C10orf143: variants seen among roughly 807,000 people sequenced by gnomAD.
C10orf143 encodes chromosome 10 open reading frame 143.
intron 3 of C10orf143, among the ~76,000 whole-genome samples, chr10:130,039,542 C>A (rs1206928680): frequency 6.6e-6 from 1 of 152,192 alleles, no homozygotes; most frequent in Non-Finnish European, 1.5e-5. Context: ...CCACACTGAT[C>A]TCATGAGTGT....
rs561562933 is a variant in C10orf143 at position 130,075,331 on chromosome 10, G to A, written c.297+4235C>T. On this transcript the variant is annotated intron_variant, in intron 3 of 3. Transcript: ENST00000637128. ...TTTTAACTTTCATGTCCAGGCTCTC[G>A]GGACTCATGTGGCTTATCACCAGGA... is the stretch of plus-strand genomic sequence containing the variant. 7.9e-5 allele frequency among the ~76,000 whole-genome samples: 12 copies of A among 152,176 alleles called. No homozygotes were observed. The East Asian group carries it at 1.4e-3, about 17-fold the overall frequency.
chr10:130,038,822 T>C (rs1860573777), intron 3 of C10orf143, among the ~76,000 whole-genome samples: 1 of 152,026 alleles, frequency 6.6e-6, no homozygotes, highest in African/African-American at 2.4e-5. Context: ...GCACCGACTG[T>C]GTATGCTTTT....
intron 1 of C10orf143, among the ~76,000 whole-genome samples, chr10:130,083,590 G>T (rs1335907574): frequency 6.6e-6 from 1 of 152,266 alleles, no homozygotes; most frequent in East Asian, 1.9e-4. Context: ...TCCATGAACT[G>T]GTCTAGAGTG....
intron 3 of C10orf143, among the ~76,000 whole-genome samples, chr10:130,075,407 C>A (rs1165265944): frequency 6.6e-6 from 1 of 152,172 alleles, no homozygotes; most frequent in Non-Finnish European, 1.5e-5. Flanking sequence ...ACTGACTGAG[C>A]CCTTGCAGGG....
At chr10:130,082,226 G>A (rs533529407) in intron 1 of C10orf143, among the ~76,000 whole-genome samples, 4 of 151,548 alleles carry the variant, frequency 2.6e-5, no homozygotes, top group African/African-American at 4.9e-5. Flanking sequence ...TGACCAGGCT[G>A]GTCTCACACT....
At chr10:130,071,972 A>G (rs1354422829) in intron 3 of C10orf143, among the ~76,000 whole-genome samples, 1 of 152,130 alleles carries the variant, frequency 6.6e-6, no homozygotes, top group Non-Finnish European at 1.5e-5. Flanking sequence ...TTTCTTTCAT[A>G]TATAGGTTCT....
chr10:130,087,126 C>T (rs1861302856), intron 1 of C10orf143, among the ~76,000 whole-genome samples: 1 of 152,208 alleles, frequency 6.6e-6, no homozygotes, highest in South Asian at 2.1e-4. Context: ...TTTTCTGTTA[C>T]TTACTGTGGA....
chr10:130,107,667 G>A, intron 1 of C10orf143: 2 of 1,309,140 alleles, frequency 1.5e-6, no homozygotes, highest in South Asian at 1.2e-5. Flanking sequence ...CTGTTGGAGG[G>A]TCCACTCAGA....
In C10orf143 at chr10:130,079,579, A is replaced by G. The variant is rs1372590436; in HGVS notation, c.284T>C (p.Ile95Thr). Residue 95 changes from isoleucine (I) to threonine (T), a missense_variant, in exon 3 of 4, where the codon ATT (isoleucine) becomes ACT (threonine). Coordinates refer to ENST00000637128, the MANE Select transcript of C10orf143 (RefSeq NM_001355042.2). The stretch of plus-strand genomic sequence containing the variant: ...TAATGCACTTACAGATTCCCCTGCA[A>G]TACATCTTGGGCAAGGCTGGGCTGA... ...RSSAQPCPRCIAGESGHFSHT... is the reference protein window; with the variant it reads ...RSSAQPCPRCTAGESGHFSHT... 4 of 398,982 alleles carry G rather than the reference A, an allele frequency of 1.0e-5. No individual in the cohort carries two copies. In the East Asian group the frequency reaches 1.1e-4, roughly 11 times the overall value. 24.7% of individuals were successfully genotyped at this position (398,982 alleles called of 1,614,324 possible). A position where few individuals can be genotyped will look rare whatever the true frequency, so the allele number is the denominator to read the frequency against.
intron 3 of C10orf143, among the ~76,000 whole-genome samples, chr10:130,053,542 G>T (rs1038821466): frequency 1.3e-5 from 2 of 152,144 alleles, no homozygotes; most frequent in African/African-American, 4.8e-5. Flanking sequence ...CCAGAACAAG[G>T]CCCCAGGCAT....
intron 3 of C10orf143, among the ~76,000 whole-genome samples, chr10:130,072,430 T>G (rs1368724816): frequency 1.3e-5 from 2 of 152,224 alleles, no homozygotes; most frequent in African/African-American, 4.8e-5. Flanking sequence ...AATTACACTT[T>G]TATACTATCC....
intron 1 of C10orf143, among the ~76,000 whole-genome samples, chr10:130,088,979 A>G (rs377045968): frequency 6.6e-5 from 10 of 152,238 alleles, no homozygotes; most frequent in South Asian, 4.2e-4. Flanking sequence ...TGATACTGTG[A>G]CCTTTTTTAA....
intron 1 of C10orf143, among the ~76,000 whole-genome samples, chr10:130,084,558 G>A (rs927480384): frequency 3.9e-5 from 6 of 152,184 alleles, no homozygotes. Flanking sequence ...AATGAACCCA[G>A]TGGTGTTGCA....
At chr10:130,101,882 A>AAC (rs1861562886) in intron 1 of C10orf143, among the ~76,000 whole-genome samples, 1 of 145,852 alleles carries the variant, frequency 6.9e-6, no homozygotes, top group Non-Finnish European at 1.5e-5. Context: ...AAAAAAAAAA[A>AAC]AAACTTTTTC....
At chr10:130,106,085 C>A in intron 1 of C10orf143, 1 of 609,486 alleles carries the variant, frequency 1.6e-6, no homozygotes, top group East Asian at 4.2e-5. Flanking sequence ...GTACTTGGGG[C>A]TGGTCCTGGG....
At chr10:130,068,565 C>CA (rs1590016166) in intron 3 of C10orf143, 2 of 127,598 alleles carry the variant, frequency 1.6e-5, no homozygotes, top group East Asian at 5.0e-4. Context: ...GAGCTGAGAT[C>CA]ATGCCATTGC....
chr10:130,060,692 C>T (rs796810602), downstream of C10orf143, among the ~76,000 whole-genome samples: 4 of 151,754 alleles, frequency 2.6e-5, no homozygotes, highest in Admixed American at 6.6e-5. Flanking sequence ...GGCGTGGTAG[C>T]GGGCACCTGC....
intron 1 of C10orf143, among the ~76,000 whole-genome samples, chr10:130,081,719 TGAGAG>T (rs1861212917): frequency 6.6e-6 from 1 of 150,992 alleles, no homozygotes; most frequent in Non-Finnish European, 1.5e-5. Context: ...GGTCACCAAC[TGAGAG>T]GAAAGAATTT....
Position 130,065,908 on chromosome 10 carries a change from G to A in C10orf143, c.298-1525C>T, listed in dbSNP as rs1421257403. ...GGAGGCTCACTTGGAGGTGCCGTGG[G>A]GTGCGCAGACCCAGGAGGCAGCAGG... On this transcript the variant is annotated intron_variant, in intron 3 of 3. Coordinates refer to ENST00000637128, the MANE Select transcript of C10orf143 (RefSeq NM_001355042.2). This position sits in a 1 kb window ranked among gnomAD's most constrained non-coding sequence, Gnocchi z 4.2. 1 of 152,202 alleles carries A rather than the reference G, an allele frequency of 6.6e-6. No individual in the cohort carries two copies. Among genetic ancestry groups the A allele is most frequent in the Non-Finnish European group, 1.5e-5 (1 of 68,082 alleles). The allele number at this position is 152,202 out of a possible 1,614,324, so 9.4% of individuals were successfully genotyped here. A position where few individuals can be genotyped will look rare whatever the true frequency, so the allele number is the denominator to read the frequency against.
Sources: gnomAD v4.1 joint callset for allele counts (sites outside exome capture counted in the v4.1 genomes callset) on GRCh38, gnomAD v4.1.1 for gene constraint, Gnocchi (gnomAD v3.1) non-coding constraint, MANE v1.5 for transcripts, NCBI Gene and HGNC (gene_info 2026-07-23, HGNC 2026-07-21) for gene names.